KCNAB1: variants seen among roughly 807,000 people sequenced by gnomAD.
KCNAB1 encodes potassium voltage-gated channel subfamily A regulatory beta subunit 1.
In KCNAB1, 35 loss-of-function variants were observed where a neutral mutation model predicts 64.6. The observed-to-expected ratio is 0.54, with a 90% CI of 0.41 to 0.72. The LOEUF (loss-of-function observed/expected upper bound fraction) is 0.72. Ranked by LOEUF, KCNAB1 falls within the 30% of genes least tolerant of loss-of-function variation. The pLI, the probability that KCNAB1 is intolerant of heterozygous loss-of-function variation, is 0.00. For missense variants in KCNAB1, 401 were observed against 512.9 expected, an observed-to-expected ratio of 0.78 and a Z score of 2.11; for synonymous variants, 177 against 183.8, an observed-to-expected ratio of 0.96 and a Z score of 0.30.
Position 156,249,863 on chromosome 3 carries a change from A to C in KCNAB1, c.275+128977A>C, listed in dbSNP as rs543830891. ...ACAGGCTCCACACTATGGAAAGGGG[A>C]GCACAAACCTTTGGGGATATCTTCT... On this transcript the variant is annotated intron_variant, in intron 1 of 13. Transcript: ENST00000490337. 9.2e-5 allele frequency among the ~76,000 whole-genome samples: 14 copies of C among 152,332 alleles called. 1 individual carries two copies. In the East Asian group the frequency reaches 2.7e-3, roughly 29 times the overall value.
chr3:156,221,782 C>G (rs555573790), intron 1 of KCNAB1, among the ~76,000 whole-genome samples: 1 of 147,630 alleles, frequency 6.8e-6, no homozygotes, highest in Non-Finnish European at 1.5e-5. Context: ...CCATCCCCCC[C>G]CGCCAAAAAA....
chr3:156,197,520 C>T (rs1429866939), intron 1 of KCNAB1, among the ~76,000 whole-genome samples: 1 of 152,122 alleles, frequency 6.6e-6, no homozygotes, highest in Non-Finnish European at 1.5e-5. Flanking sequence ...TTGACTTCTT[C>T]CTGGTTTAGT....
intron 1 of KCNAB1, among the ~76,000 whole-genome samples, chr3:156,263,921 T>C (rs1181928692): frequency 1.3e-5 from 2 of 152,134 alleles, no homozygotes; most frequent in Non-Finnish European, 2.9e-5. Context: ...ATAGAGTTGA[T>C]TGACAGTATT....
chr3:156,223,722 G>A (rs1333966872), intron 1 of KCNAB1, among the ~76,000 whole-genome samples: 1 of 151,956 alleles, frequency 6.6e-6, no homozygotes, highest in Non-Finnish European at 1.5e-5. Context: ...CTAGACACAG[G>A]GTGCTGATTG....
intron 1 of KCNAB1, among the ~76,000 whole-genome samples, chr3:156,377,084 T>G (rs1471895597): frequency 1.3e-5 from 2 of 152,172 alleles, no homozygotes; most frequent in Non-Finnish European, 2.9e-5. Flanking sequence ...TCTAAGGATG[T>G]ATCTGGTTTT....
chr3:156,216,735 C>T (rs1715345974), intron 1 of KCNAB1, among the ~76,000 whole-genome samples: 1 of 152,130 alleles, frequency 6.6e-6, no homozygotes, highest in Non-Finnish European at 1.5e-5. Context: ...TTAAATTCCC[C>T]TACTTTTGGA....
intron 1 of KCNAB1, among the ~76,000 whole-genome samples, chr3:156,342,193 T>C (rs1356410711): frequency 6.6e-6 from 1 of 152,242 alleles, no homozygotes; most frequent in East Asian, 1.9e-4. Context: ...CTTTCACTTC[T>C]GCATTTCTTT....
Position 156,349,327 on chromosome 3 carries a change from C to T in KCNAB1, c.276-72289C>T, listed in dbSNP as rs370796286. 2.6e-5 allele frequency among the ~76,000 whole-genome samples: 4 copies of T among 152,286 alleles called. No individual in the cohort carries two copies. The East Asian group carries it at 7.7e-4, about 29-fold the overall frequency. ...TGCCCTTCCTGTCTCTGGCCCAGCC[C>T]TATGTTGGAAAGCCAACCCATAAAC... On this transcript the variant is annotated intron_variant, in intron 1 of 13. Coordinates refer to ENST00000490337, the MANE Select transcript of KCNAB1 (RefSeq NM_172160.3).
chr3:156,182,498 A>G (rs753032604), intron 1 of KCNAB1, among the ~76,000 whole-genome samples: 25 of 151,762 alleles, frequency 1.6e-4, no homozygotes, highest in Non-Finnish European at 3.4e-4. Context: ...AGTTTATGCC[A>G]CTCATCTCTA....
chr3:156,216,858 A>C (rs142343364), intron 1 of KCNAB1: 22 of 152,352 alleles, frequency 1.4e-4, no homozygotes, highest in Non-Finnish European at 2.8e-4. Flanking sequence ...GTTTAAGCCC[A>C]CATCTGTTTG....
At chr3:156,306,127 A>T (rs1330551186) in intron 1 of KCNAB1, among the ~76,000 whole-genome samples, 1 of 152,250 alleles carries the variant, frequency 6.6e-6, no homozygotes, top group African/African-American at 2.4e-5. Context: ...TGATACTTAC[A>T]GGTTAGTATT....
At chr3:156,411,567 A>G (rs901102901) in intron 1 of KCNAB1, among the ~76,000 whole-genome samples, 63 of 152,160 alleles carry the variant, frequency 4.1e-4, no homozygotes, top group African/African-American at 1.5e-3. Flanking sequence ...CAATGTTTTT[A>G]CAAATGAACA....
At chr3:156,288,993 G>T (rs1326175125) in intron 1 of KCNAB1, among the ~76,000 whole-genome samples, 2 of 151,914 alleles carry the variant, frequency 1.3e-5, no homozygotes, top group African/African-American at 4.8e-5. Flanking sequence ...TATTTATAGA[G>T]TGAGGGCCTG....
chr3:156,266,508 C>T (rs1017948324), intron 1 of KCNAB1, among the ~76,000 whole-genome samples: 1 of 152,140 alleles, frequency 6.6e-6, no homozygotes, highest in Non-Finnish European at 1.5e-5. Context: ...TCCTTTGCTC[C>T]CAAGGAGCTC....
At chr3:156,411,264 G>A (rs180868176) in intron 1 of KCNAB1, among the ~76,000 whole-genome samples, 59 of 151,812 alleles carry the variant, frequency 3.9e-4, no homozygotes, top group African/African-American at 1.0e-3. Flanking sequence ...TCAGTACTTC[G>A]GCTATTTTTA....
At chr3:156,497,536 G>A (rs558636518) in intron 8 of KCNAB1, among the ~76,000 whole-genome samples, 1 of 152,246 alleles carries the variant, frequency 6.6e-6, no homozygotes, top group Non-Finnish European at 1.5e-5. Context: ...AAAATCTCTA[G>A]ACAGGATAAT....
chr3:156,367,991 T>C (rs1361585308), intron 1 of KCNAB1, among the ~76,000 whole-genome samples: 1 of 152,230 alleles, frequency 6.6e-6, no homozygotes, highest in Non-Finnish European at 1.5e-5. Flanking sequence ...ATATGTTTGA[T>C]TTTATGCAAT....
intron 8 of KCNAB1, among the ~76,000 whole-genome samples, chr3:156,481,363 T>A (rs1714781669): frequency 6.6e-6 from 1 of 150,644 alleles, no homozygotes; most frequent in Admixed American, 6.7e-5. Context: ...GAAATTAATT[T>A]GGAGAAAATG....
chr3:156,332,506 A>G (rs1263809404), intron 1 of KCNAB1, among the ~76,000 whole-genome samples: 2 of 152,146 alleles, frequency 1.3e-5, no homozygotes, highest in African/African-American at 4.8e-5. Flanking sequence ...GTAGTGGGTT[A>G]GTTTCAACCA....
Sources: gnomAD v4.1 joint callset for allele counts (sites outside exome capture counted in the v4.1 genomes callset) on GRCh38, gnomAD v4.1.1 for gene constraint, MANE v1.5 for transcripts, NCBI Gene and HGNC (gene_info 2026-07-23, HGNC 2026-07-21) for gene names.